The following SENP1 variants were observed in gnomAD, a reference collection of about 807,000 sequenced individuals.
The protein encoded by SENP1 is SUMO specific peptidase 1.
SENP1 carries 21 observed loss-of-function variants against 93.0 expected under a neutral mutation model. The observed-to-expected ratio is 0.23, with a 90% CI of 0.16 to 0.33. The LOEUF (loss-of-function observed/expected upper bound fraction) is 0.33. SENP1 is among the 10% of genes least tolerant of loss of function. SENP1 has a pLI of 1.00. For missense variants in SENP1, 591 were observed against 758.7 expected (o/e 0.78, Z 2.60); for synonymous variants, 256 against 259.6 (o/e 0.99, Z 0.13).
intron 14 of SENP1, 105 bp downstream of exon 14, chr12:48,048,824 T>C: frequency 3.7e-6 from 3 of 802,354 alleles, no homozygotes; most frequent in Non-Finnish European, 4.0e-6. Flanking sequence ...AAACACTCTT[T>C]CTCTCAATAA....
At chr12:48,096,519 A>C in intron 3 of SENP1, 92 bp from the exon 4 acceptor site, 1 of 735,668 alleles carries the variant, frequency 1.4e-6, no homozygotes, top group East Asian at 2.8e-5. Context: ...ACACCGGCAC[A>C]ATCTCTGCTC....
chr12:48,068,062 C>T (rs1290693802), intron 9 of SENP1, among the ~76,000 whole-genome samples: 3 of 151,952 alleles, frequency 2.0e-5, no homozygotes, highest in Non-Finnish European at 4.4e-5. Flanking sequence ...TTAGTAGAGA[C>T]GAGGTTTCAC....
intron 6 of SENP1, among the ~76,000 whole-genome samples, chr12:48,083,269 T>A (rs1300602068): frequency 6.6e-6 from 1 of 152,098 alleles, no homozygotes; most frequent in Non-Finnish European, 1.5e-5. Flanking sequence ...AGACAACGGT[T>A]TAGGAAGGGT....
At position 48,072,532 on chromosome 12, in the gene SENP1, G is replaced by A. The variant is rs147529974; in HGVS notation, c.941-811C>T. Among the ~76,000 whole-genome samples the A allele has an allele frequency of 8.7e-4, 133 of 152,146 alleles. 1 individual carries two copies. The highest frequency in any genetic ancestry group is 3.1e-3 in the African/African-American group (128 of 41,504). ...CTCAGGAGGCTGAGGCAGCAGAATCGCTTGAACCCAGGACATGCGAGGTTG... is the reference window on the plus strand; with the variant it reads ...CTCAGGAGGCTGAGGCAGCAGAATCACTTGAACCCAGGACATGCGAGGTTG... On this transcript the variant is annotated intron_variant, in intron 8 of 17. Coordinates refer to ENST00000549518, the MANE Select transcript of SENP1 (RefSeq NM_001267594.2).
chr12:48,066,185 C>T (rs754083205), intron 10 of SENP1, among the ~76,000 whole-genome samples: 12 of 152,102 alleles, frequency 7.9e-5, no homozygotes, highest in East Asian at 1.9e-4. Flanking sequence ...TACAAGATAT[C>T]ACTGAAGTTT....
chr12:48,047,067 A>G lies in SENP1; in HGVS notation c.1692-5T>C, dbSNP rs1421686757. 1.3e-6 allele frequency: 2 copies of G among 1,588,978 alleles called. No homozygotes were observed. Among genetic ancestry groups the G allele is most frequent in the African/African-American group, 2.7e-5 (2 of 74,380 alleles). On this transcript the variant is annotated splice_polypyrimidine_tract_variant and splice_region_variant and intron_variant, in intron 15 of 17. Coordinates refer to ENST00000549518, the MANE Select transcript of SENP1 (RefSeq NM_001267594.2). ...CTTTCTTGCTTTAGGTATTGCCTAA[A>G]GGTATCAGGAGAGAATGAGATAAGC...
chr12:48,102,318 G>T (rs1469542379), intron 1 of SENP1, among the ~76,000 whole-genome samples: 1 of 150,868 alleles, frequency 6.6e-6, no homozygotes, highest in Non-Finnish European at 1.5e-5. Flanking sequence ...TGTAATCCCA[G>T]CTATTCAGGA....
At position 48,044,878 on chromosome 12, in the gene SENP1, G is replaced by GT. The variant is rs1941254182; in HGVS notation, c.*443dup. Reference sequence around the variant, plus strand: ...TGTGTTTGTGTGTGTGGGTGTGTGTGTATGTCCATGTATATGCTGGTGGTT... The same window carrying GT: ...TGTGTTTGTGTGTGTGGGTGTGTGTGTTATGTCCATGTATATGCTGGTGGTT... On this transcript the variant is annotated 3_prime_UTR_variant, in exon 18 of 18. Coordinates refer to ENST00000549518, the MANE Select transcript of SENP1 (RefSeq NM_001267594.2). 5.7e-6 allele frequency: 1 copy of GT among 175,084 alleles called. No individual in the cohort carries two copies. The highest frequency in any genetic ancestry group is 1.2e-5 in the Non-Finnish European group (1 of 80,274). The allele number at this position is 175,084 out of a possible 1,614,324, so 10.8% of individuals were successfully genotyped here.
rs180903097 is a variant in SENP1 at position 48,057,240 on chromosome 12, A to T, written c.1407+6470T>A. 1.9e-4 allele frequency among the ~76,000 whole-genome samples: 27 copies of T among 143,684 alleles called. 1 individual carries two copies. Among genetic ancestry groups the T allele is most frequent in the Non-Finnish European group, 2.1e-4 (14 of 66,406 alleles). 94.3% of individuals were successfully genotyped at this position (143,684 alleles called of 152,430 possible). A position where few individuals can be genotyped will look rare whatever the true frequency, so the allele number is the denominator to read the frequency against. On this transcript the variant is annotated intron_variant, in intron 13 of 17. Transcript: ENST00000549518. ...TATATAAAAAATACATTATATATAT[A>T]TTTTTTTGAGACAAAGTCTCACTCT...
rs560326719 is a variant in SENP1 at position 48,049,215 on chromosome 12, T to C, written c.1408-83A>G. ...GTTGCAGTTGCTGTGTTGAATAGCA[T>C]ATGTAATTGTTTCCTAATAAACTGA... is the stretch of plus-strand genomic sequence containing the variant. On this transcript the variant is annotated intron_variant, in intron 13 of 17. Coordinates refer to ENST00000549518, the MANE Select transcript of SENP1 (RefSeq NM_001267594.2). The C allele has an allele frequency of 4.7e-5, 45 of 961,942 alleles. No homozygotes were observed. The South Asian group carries it at 6.5e-4, about 14-fold the overall frequency. 59.6% of individuals were successfully genotyped at this position (961,942 alleles called of 1,614,324 possible).
Position 48,089,142 on chromosome 12 carries a change from A to C in SENP1, c.221-182T>G, listed in dbSNP as rs921167309. On this transcript the variant is annotated intron_variant, in intron 4 of 17. Transcript: ENST00000549518. ...CAGTAGGGGAACTTCTACAAACTAT[A>C]ATTGATTCAGCCATACTAACCTGAA... The C allele has an allele frequency of 1.3e-5, 20 of 1,572,824 alleles. No individual in the cohort carries two copies. In the African/African-American group the frequency reaches 2.6e-4, roughly 20 times the overall value.
At chr12:48,051,068 C>T (rs767420) in intron 13 of SENP1, among the ~76,000 whole-genome samples, 2 of 145,454 alleles carry the variant, frequency 1.4e-5, no homozygotes, top group Admixed American at 7.2e-5. Context: ...CCTCTGGAAT[C>T]GTAAGTCTGA....
chr12:48,056,184 ATTT>A (rs1385592713), intron 13 of SENP1, among the ~76,000 whole-genome samples: 15 of 50,518 alleles, frequency 3.0e-4, no homozygotes, highest in Non-Finnish European at 5.1e-4. Flanking sequence ...TATATATATT[ATTT>A]AATATATAGT....
chr12:48,071,802 T>C (rs1943726353), intron 8 of SENP1, 81 bp from the exon 9 acceptor site: 1 of 898,580 alleles, frequency 1.1e-6, no homozygotes, highest in Admixed American at 2.3e-5. Flanking sequence ...TAAGTTCCCA[T>C]ACTTTGCTAT....
chr12:48,067,060 T>C, intron 9 of SENP1, 95 bp from the exon 10 acceptor site: 1 of 798,672 alleles, frequency 1.3e-6, no homozygotes, highest in Non-Finnish European at 2.1e-6. Flanking sequence ...TTAAATTGTT[T>C]ATATGAGTGC....
At chr12:48,088,764 A>G in intron 5 of SENP1, 37 bp downstream of exon 5, 1 of 1,583,534 alleles carries the variant, frequency 6.3e-7, no homozygotes, top group Non-Finnish European at 8.6e-7. Flanking sequence ...CTTATGTCTG[A>G]GGAAGGGCTT....
intron 13 of SENP1, among the ~76,000 whole-genome samples, chr12:48,050,055 C>G (rs1941678434): frequency 6.6e-6 from 1 of 152,138 alleles, no homozygotes; most frequent in South Asian, 2.1e-4. Flanking sequence ...GTCCAGGACT[C>G]TTTGGTACTA....
intron 2 of SENP1, among the ~76,000 whole-genome samples, chr12:48,101,114 C>T (rs906248676): frequency 2.6e-5 from 4 of 152,046 alleles, no homozygotes; most frequent in South Asian, 2.1e-4. Context: ...GGCGAAACCC[C>T]GTCTCTACTA....
intron 2 of SENP1, 94 bp downstream of exon 2, chr12:48,101,375 A>C: frequency 1.1e-6 from 1 of 951,448 alleles, no homozygotes; most frequent in Non-Finnish European, 1.6e-6. Context: ...AAGCACAAAG[A>C]TACAAATACT....
Sources: gnomAD v4.1 joint callset for allele counts (sites outside exome capture counted in the v4.1 genomes callset) on GRCh38, gnomAD v4.1.1 for gene constraint, MANE v1.5 for transcripts, NCBI Gene and HGNC (gene_info 2026-07-23, HGNC 2026-07-21) for gene names.